TMEM156: variants seen among roughly 807,000 people sequenced by gnomAD.
TMEM156 encodes the protein transmembrane protein 156.
In TMEM156, 28 loss-of-function variants were observed where a neutral mutation model predicts 30.5. That is an observed-to-expected ratio of 0.92 (90% CI 0.68 to 1.26). The LOEUF (loss-of-function observed/expected upper bound fraction) is 1.26. Among genes scored for constraint, TMEM156 ranks in the 50% most tolerant of loss-of-function variants. The pLI is 0.00. For synonymous variants in TMEM156, 137 were observed against 119.9 expected (o/e 1.14, Z -0.93); for missense variants, 351 against 340.6 (o/e 1.03, Z -0.24).
intron 6 of TMEM156, 134 bp from the exon 7 acceptor site, chr4:38,967,775 G>T (rs971643734): frequency 2.6e-5 from 4 of 152,202 alleles, no homozygotes; most frequent in African/African-American, 9.7e-5. Context: ...ACCAAAAAAT[G>T]TTCTCAAGTC....
At chr4:39,022,535 T>C (rs1714937868) in intron 1 of TMEM156, among the ~76,000 whole-genome samples, 1 of 152,234 alleles carries the variant, frequency 6.6e-6, no homozygotes, top group Admixed American at 6.5e-5. Context: ...TATTGTCTTA[T>C]CAGTTTAACT....
In TMEM156 at chr4:38,978,749, T is replaced by C. The variant is rs78368745; in HGVS notation, c.823+7587A>G. ...TGAGCTTGTCAGGCTACCCCTAAAA[T>C]GGGGAGAAAGTCTCAAGCTATCTGC... On this transcript the variant is annotated intron_variant, in intron 5 of 6. Coordinates refer to ENST00000381938, the MANE Select transcript of TMEM156 (RefSeq NM_024943.3). 6.6e-3 allele frequency among the ~76,000 whole-genome samples: 999 copies of C among 152,268 alleles called. 9 individuals carry two copies. Among genetic ancestry groups the C allele is most frequent in the African/African-American group, 0.023 (939 of 41,552 alleles).
chr4:38,979,646 T>G (rs1006454334), intron 5 of TMEM156, among the ~76,000 whole-genome samples: 2 of 152,304 alleles, frequency 1.3e-5, no homozygotes, highest in African/African-American at 4.8e-5. Flanking sequence ...TCCATCACAC[T>G]TTGGGAGATG....
chr4:39,011,415 A>T (rs1560379563), intron 1 of TMEM156, among the ~76,000 whole-genome samples: 1 of 152,102 alleles, frequency 6.6e-6, no homozygotes, highest in Non-Finnish European at 1.5e-5. Context: ...CTAAAAGAAG[A>T]TAAATCGTTC....
intron 5 of TMEM156, among the ~76,000 whole-genome samples, chr4:38,984,478 A>G (rs1329888400): frequency 1.9e-5 from 2 of 104,238 alleles, no homozygotes; most frequent in Non-Finnish European, 4.1e-5. Context: ...GCTGAATGTG[A>G]CACAGTCACC....
chr4:38,999,399 G>A (rs531699830), intron 1 of TMEM156, among the ~76,000 whole-genome samples: 33 of 152,208 alleles, frequency 2.2e-4, no homozygotes, highest in South Asian at 6.2e-4. Flanking sequence ...ATAAAGAAGC[G>A]CTTGGAATCT....
intron 1 of TMEM156, among the ~76,000 whole-genome samples, chr4:39,005,958 C>CGT (rs1422127550): frequency 6.6e-6 from 1 of 152,000 alleles, no homozygotes; most frequent in Non-Finnish European, 1.5e-5. Context: ...TGCAGTGGTA[C>CGT]GATCTCGGCT....
chr4:38,999,114 T>TTTA (rs1560372070), intron 1 of TMEM156, among the ~76,000 whole-genome samples: 13 of 17,666 alleles, frequency 7.4e-4, no homozygotes, highest in Non-Finnish European at 1.4e-3. Context: ...TTATTTATTT[T>TTTA]TTTTTTTTTT....
chr4:39,003,233 G>C (rs1713504171), intron 1 of TMEM156, among the ~76,000 whole-genome samples: 1 of 151,876 alleles, frequency 6.6e-6, no homozygotes, highest in Non-Finnish European at 1.5e-5. Flanking sequence ...TAATTTACTA[G>C]CCTTCTATAT....
chr4:38,999,288 T>A (rs910189431), intron 1 of TMEM156, among the ~76,000 whole-genome samples: 7 of 152,024 alleles, frequency 4.6e-5, no homozygotes, highest in Admixed American at 4.6e-4. Context: ...AGCCAATTTT[T>A]AAAAAATTAT....
chr4:39,015,731 T>C (rs983678949), intron 1 of TMEM156, among the ~76,000 whole-genome samples: 4 of 152,218 alleles, frequency 2.6e-5, no homozygotes, highest in African/African-American at 9.6e-5. Context: ...TCTTGAATTG[T>C]AGCTCTCATA....
At chr4:38,997,434 T>A (rs770745988) in intron 2 of TMEM156, among the ~76,000 whole-genome samples, 2 of 151,888 alleles carry the variant, frequency 1.3e-5, no homozygotes, top group African/African-American at 2.4e-5. Context: ...TAATGATATA[T>A]TTTTTAAAAG....
chr4:38,973,630 T>C (rs1159671476), intron 5 of TMEM156, among the ~76,000 whole-genome samples: 2 of 152,330 alleles, frequency 1.3e-5, no homozygotes, highest in East Asian at 1.9e-4. Context: ...TTGTATCATC[T>C]GCAGAATACG....
rs376735458 is a variant in TMEM156 at position 38,986,383 on chromosome 4, C to G, written c.776G>C (p.Gly259Ala). ...RDKPTSVLLR[G>A]SDSEKLRALN... ...TGCTCTCAGTTTCTCCGAATCACTTCCTCTTAAGAGAACAGATGTAGGTTT... is the reference window on the plus strand; with the variant it reads ...TGCTCTCAGTTTCTCCGAATCACTTGCTCTTAAGAGAACAGATGTAGGTTT... The change falls in exon 5 of 7, where the codon GGA (glycine) becomes GCA (alanine). Residue 259 changes from glycine (G) to alanine (A), a missense_variant. Coordinates refer to ENST00000381938, the MANE Select transcript of TMEM156 (RefSeq NM_024943.3). The G allele has an allele frequency of 6.2e-7, 1 of 1,613,806 alleles. No homozygotes were observed. The highest frequency in any genetic ancestry group is 8.5e-7 in the Non-Finnish European group (1 of 1,179,880).
intron 1 of TMEM156, among the ~76,000 whole-genome samples, chr4:39,013,749 A>G (rs1240154122): frequency 6.6e-6 from 1 of 152,156 alleles, no homozygotes; most frequent in African/African-American, 2.4e-5. Context: ...AAAAGCTAAA[A>G]CAGTCAACTG....
At chr4:38,970,928 T>G (rs1722567017) in intron 6 of TMEM156, 104 bp downstream of exon 6, 2 of 701,670 alleles carry the variant, frequency 2.9e-6, no homozygotes, top group South Asian at 1.9e-5. Context: ...ATTCATCATT[T>G]TCTACCTCCT....
Position 38,967,620 on chromosome 4 carries a change from GT to G in TMEM156, c.*59del. ...TTCTGAGTATTCTTCAAAGGGCTCG[GT>G]CCAACTTGCCCGGGGATATTCTGAA... On this transcript the variant is annotated 3_prime_UTR_variant, in exon 7 of 7. Coordinates refer to ENST00000381938, the MANE Select transcript of TMEM156 (RefSeq NM_024943.3). 1 of 152,280 alleles carries G rather than the reference GT, an allele frequency of 6.6e-6. No homozygotes were observed. Among genetic ancestry groups the G allele is most frequent in the South Asian group, 2.1e-4 (1 of 4,816 alleles). The allele number at this position is 152,280 out of a possible 1,614,324, so 9.4% of individuals were successfully genotyped here. A position where few individuals can be genotyped will look rare whatever the true frequency, so the allele number is the denominator to read the frequency against.
intron 1 of TMEM156, among the ~76,000 whole-genome samples, chr4:39,007,772 T>A (rs1255524247): frequency 6.6e-6 from 1 of 152,144 alleles, no homozygotes; most frequent in Non-Finnish European, 1.5e-5. Flanking sequence ...TGTCTATTTA[T>A]GTAGAGTTCT....
intron 5 of TMEM156, 54 bp from the exon 6 acceptor site, chr4:38,971,191 A>T (rs1170349247): frequency 6.6e-7 from 1 of 1,525,752 alleles, no homozygotes; most frequent in African/African-American, 1.4e-5. Flanking sequence ...GCAAAAAGAG[A>T]CAGGCTTATT....
Sources: gnomAD v4.1 joint callset for allele counts (sites outside exome capture counted in the v4.1 genomes callset) on GRCh38, gnomAD v4.1.1 for gene constraint, MANE v1.5 for transcripts, NCBI Gene and HGNC (gene_info 2026-07-23, HGNC 2026-07-21) for gene names.